The following STX8 variants were observed in gnomAD, a reference collection of about 807,000 sequenced individuals.
The protein encoded by STX8 is syntaxin 8.
In STX8, 23 loss-of-function variants were observed where a neutral mutation model predicts 37.5. The observed-to-expected ratio is 0.61, with a 90% CI of 0.44 to 0.87. The LOEUF (loss-of-function observed/expected upper bound fraction) is 0.87, where lower values mean the gene tolerates loss of function less well. Among genes scored for constraint, STX8 ranks in the 40% least tolerant of loss-of-function variants. The pLI is 0.00. For missense variants in STX8, 313 were observed against 284.7 expected (o/e 1.10, Z -0.71); for synonymous variants, 115 against 99.1 (o/e 1.16, Z -0.95).
In STX8 at chr17:9,571,914, C is replaced by G. The variant is rs887757809; in HGVS notation, c.18-3444G>C. On this transcript the variant is annotated intron_variant, in intron 1 of 7. Coordinates refer to ENST00000306357, the MANE Select transcript of STX8 (RefSeq NM_004853.3). ...TGGGCGACGGAGCAAGACTCCATCT[C>G]AAAATTAAAAAAAAAAAAGGTGTGG... is the stretch of plus-strand genomic sequence containing the variant. 3.4e-5 allele frequency among the ~76,000 whole-genome samples: 5 copies of G among 145,580 alleles called. No homozygotes were observed. The South Asian group carries it at 8.6e-4, about 25-fold the overall frequency.
chr17:9,549,085 C>T (rs1023997621), intron 3 of STX8, among the ~76,000 whole-genome samples: 2 of 152,064 alleles, frequency 1.3e-5, no homozygotes, highest in Admixed American at 1.3e-4. Flanking sequence ...CTAGAAAAGT[C>T]TGAGATACTA....
At chr17:9,519,210 G>A (rs1477784454) in intron 4 of STX8, among the ~76,000 whole-genome samples, 1 of 152,090 alleles carries the variant, frequency 6.6e-6, no homozygotes, top group Non-Finnish European at 1.5e-5. Context: ...CTGCATTTGT[G>A]TCTTTTCATT....
chr17:9,481,725 G>A (rs145253691), intron 6 of STX8, among the ~76,000 whole-genome samples: 126 of 152,290 alleles, frequency 8.3e-4, no homozygotes, highest in Non-Finnish European at 1.4e-3. Context: ...ACAGCAGGAC[G>A]TGAGCAGCAG....
chr17:9,257,240 T>G (rs1906834432), intron 7 of STX8, among the ~76,000 whole-genome samples: 1 of 152,184 alleles, frequency 6.6e-6, no homozygotes, highest in Admixed American at 6.5e-5. Context: ...CTCATGGCAA[T>G]TAAAAAAAGA....
At chr17:9,304,017 G>GA (rs925385376) in intron 7 of STX8, among the ~76,000 whole-genome samples, 7 of 144,366 alleles carry the variant, frequency 4.8e-5, no homozygotes, top group African/African-American at 1.1e-4. Context: ...AAATAATTAG[G>GA]AAAAAAATAT....
chr17:9,332,529 G>A (rs754222120), intron 7 of STX8, among the ~76,000 whole-genome samples: 2 of 152,168 alleles, frequency 1.3e-5, no homozygotes, highest in African/African-American at 4.8e-5. Context: ...CAAGGAACTG[G>A]AGACTATTTT....
In STX8 at chr17:9,367,172, G is replaced by GT. The variant is rs79285740; in HGVS notation, c.643+11379dup. On this transcript the variant is annotated intron_variant, in intron 7 of 7. Coordinates refer to ENST00000306357, the MANE Select transcript of STX8 (RefSeq NM_004853.3). ...GACAATGTGGGTTTTTGTTTTTTTT[G>GT]TTTTTTTTTTTTTGGTTTTGCTTTT... Among the ~76,000 whole-genome samples the GT allele has an allele frequency of 9.4e-3, 1,280 of 136,400 alleles. 10 individuals carry two copies. Among genetic ancestry groups the GT allele is most frequent in the African/African-American group, 0.019 (733 of 38,430 alleles). The allele number at this position is 136,400 out of a possible 152,430, so 89.5% of individuals were successfully genotyped here. A position where few individuals can be genotyped will look rare whatever the true frequency, so the allele number is the denominator to read the frequency against.
At chr17:9,396,894 A>G (rs921109529) in intron 6 of STX8, among the ~76,000 whole-genome samples, 1 of 152,208 alleles carries the variant, frequency 6.6e-6, no homozygotes, top group African/African-American at 2.4e-5. Flanking sequence ...AGGGCATCAA[A>G]CTGCATTACA....
At chr17:9,266,323 C>A (rs890715313) in intron 7 of STX8, among the ~76,000 whole-genome samples, 1 of 152,192 alleles carries the variant, frequency 6.6e-6, no homozygotes, top group African/African-American at 2.4e-5. Context: ...GACATGGGGT[C>A]CTTTCTGAAG....
intron 4 of STX8, among the ~76,000 whole-genome samples, chr17:9,536,319 A>G (rs1479670571): frequency 1.3e-5 from 2 of 152,154 alleles, no homozygotes; most frequent in African/African-American, 4.8e-5. Context: ...GTATCGGGAG[A>G]TGAAGGGAAA....
In STX8 at chr17:9,372,372, A is replaced by T. The variant is rs894370148; in HGVS notation, c.643+6180T>A. Reference sequence around the variant, plus strand: ...GAAGGGTCTCCCATGACATTTCCTAATTAGAGTGGGTGCCCAGGGACTAAA... The same window carrying T: ...GAAGGGTCTCCCATGACATTTCCTATTTAGAGTGGGTGCCCAGGGACTAAA... On this transcript the variant is annotated intron_variant, in intron 7 of 7. Transcript: ENST00000306357. Among the ~76,000 whole-genome samples the T allele has an allele frequency of 2.0e-5, 3 of 152,004 alleles. No homozygotes were observed. In the East Asian group the frequency reaches 5.8e-4, roughly 29 times the overall value.
At chr17:9,512,349 G>A (rs1255081405) in intron 4 of STX8, among the ~76,000 whole-genome samples, 1 of 152,104 alleles carries the variant, frequency 6.6e-6, no homozygotes, top group African/African-American at 2.4e-5. Flanking sequence ...ATACCACAAA[G>A]CTGTAGTAAT....
chr17:9,441,745 A>G (rs537362611), intron 6 of STX8, among the ~76,000 whole-genome samples: 11 of 132,988 alleles, frequency 8.3e-5, no homozygotes, highest in Middle Eastern at 6.0e-3. Context: ...GCGCGATCTC[A>G]GCTCACGGCA....
intron 5 of STX8, among the ~76,000 whole-genome samples, chr17:9,500,362 C>A (rs780902589): frequency 3.4e-4 from 51 of 152,138 alleles, no homozygotes; most frequent in Admixed American, 1.5e-3. Flanking sequence ...AGACGGGAAA[C>A]AAATGAGGTG....
At chr17:9,310,058 C>T (rs931830747) in intron 7 of STX8, among the ~76,000 whole-genome samples, 3 of 151,774 alleles carry the variant, frequency 2.0e-5, no homozygotes, top group Non-Finnish European at 4.4e-5. Flanking sequence ...AATGATGTTT[C>T]GGAAAGAAAA....
intron 7 of STX8, among the ~76,000 whole-genome samples, chr17:9,361,156 T>C (rs1911049079): frequency 6.6e-6 from 1 of 152,112 alleles, no homozygotes; most frequent in Non-Finnish European, 1.5e-5. Context: ...TACCGAGTCA[T>C]TGGTAAGGTT....
intron 6 of STX8, among the ~76,000 whole-genome samples, chr17:9,446,276 T>A (rs992469430): frequency 1.3e-5 from 2 of 152,216 alleles, no homozygotes; most frequent in African/African-American, 4.8e-5. Context: ...CACTAAATAT[T>A]TGCTGACTGA....
At chr17:9,304,524 A>AAAAAAG (rs1567776302) in intron 7 of STX8, among the ~76,000 whole-genome samples, 84 of 144,178 alleles carry the variant, frequency 5.8e-4, no homozygotes, top group African/African-American at 2.1e-3. Context: ...AAAAAAAAAA[A>AAAAAAG]AAAAAGAAAA....
At chr17:9,266,195 G>T (rs1297721940) in intron 7 of STX8, among the ~76,000 whole-genome samples, 2 of 152,248 alleles carry the variant, frequency 1.3e-5, no homozygotes, top group African/African-American at 2.4e-5. Flanking sequence ...ACACAGAGGG[G>T]TGTTATTATG....
Sources: allele counts gnomAD v4.1 joint callset (sites outside exome capture counted in the v4.1 genomes callset), GRCh38; gene constraint gnomAD v4.1.1; transcripts MANE v1.5; gene names NCBI Gene and HGNC (gene_info 2026-07-23, HGNC 2026-07-21).